Variants in NUBP2 observed in about 807,000 individuals in gnomAD.
NUBP2 encodes the protein cytosolic Fe-S cluster assembly factor NUBP2.
A neutral mutation model predicts 24.9 loss-of-function variants in NUBP2; 23 were observed. The observed-to-expected ratio is 0.92, with a 90% CI of 0.66 to 1.31. The LOEUF is 1.31. NUBP2 is among the 50% of genes most tolerant of loss of function. NUBP2 has a pLI of 0.00. For missense variants in NUBP2, 403 were observed against 386.5 expected, an observed-to-expected ratio of 1.04 and a Z score of -0.36; for synonymous variants, 186 against 170.9, an observed-to-expected ratio of 1.09 and a Z score of -0.69.
chr16:1,783,090 C>T (rs1380827756), intron 1 of NUBP2, 54 bp downstream of exon 1: 1 of 1,229,586 alleles, frequency 8.1e-7, no homozygotes, highest in African/African-American at 1.6e-5. Context: ...TGGGGCCCCG[C>T]CGCGTCCCTT....
In NUBP2 at chr16:1,786,668, C is replaced by T. The variant is rs765369327; in HGVS notation, c.135+13C>T. 1.9e-6 allele frequency: 3 copies of T among 1,612,086 alleles called. No homozygotes were observed. The highest frequency in any genetic ancestry group is 3.3e-5 in the Admixed American group (2 of 60,006). On this transcript the variant is annotated intron_variant, in intron 2 of 6. Coordinates refer to ENST00000262302, the MANE Select transcript of NUBP2 (RefSeq NM_012225.4). ...TGCAGGCAAGAAGGTGAGCGCCCTA[C>T]CCCTCACTGGGCGGAGCCCCGGGCA...
rs1897120210 is a variant in NUBP2 at position 1,788,742 on chromosome 16, G to A, written c.*28G>A. The A allele has an allele frequency of 6.3e-7, 1 of 1,594,466 alleles. No homozygotes were observed. Among genetic ancestry groups the A allele is most frequent in the Non-Finnish European group, 8.5e-7 (1 of 1,169,662 alleles). On this transcript the variant is annotated 3_prime_UTR_variant, in exon 7 of 7. Coordinates refer to ENST00000262302, the MANE Select transcript of NUBP2 (RefSeq NM_012225.4). ...AAGGCCACCTTGCAGCCGCTTTCCA[G>A]GGCCACCAAGGGCTCTGCTCCAGCC...
intron 1 of NUBP2, among the ~76,000 whole-genome samples, chr16:1,784,278 G>T (rs941610963): frequency 2.5e-4 from 38 of 151,894 alleles, no homozygotes; most frequent in Non-Finnish European, 1.0e-4. Flanking sequence ...GTAGACATGG[G>T]GTCTGAATAC....
intron 1 of NUBP2, chr16:1,785,346 G>T: frequency 8.9e-7 from 1 of 1,117,454 alleles, no homozygotes; most frequent in Non-Finnish European, 1.1e-6. Flanking sequence ...TGACACTAAG[G>T]CCTGCATTTA....
In NUBP2 at chr16:1,789,016, G is replaced by A. The variant is rs907439297; in HGVS notation, c.*302G>A. ...CAGCCGCGTGTCCACACAGTTAGCG[G>A]AGCGCGGGACTTCTGCAGTCCTCAG... On this transcript the variant is annotated 3_prime_UTR_variant, in exon 7 of 7. Transcript: ENST00000262302. The A allele has an allele frequency of 1.0e-5, 4 of 399,342 alleles. No individual in the cohort carries two copies. The highest frequency in any genetic ancestry group is 9.2e-5 in the East Asian group (2 of 21,832). The allele number at this position is 399,342 out of a possible 1,614,324, so 24.7% of individuals were successfully genotyped here. A position where few individuals can be genotyped will look rare whatever the true frequency, so the allele number is the denominator to read the frequency against.
intron 1 of NUBP2, 24 bp from the exon 2 acceptor site, chr16:1,786,513 C>T: frequency 1.3e-6 from 2 of 1,567,050 alleles, no homozygotes; most frequent in Non-Finnish European, 8.7e-7. Context: ...GAGCCCTGAC[C>T]TTCTCTGTCG....
chr16:1,789,045 A>C lies in NUBP2; in HGVS notation c.*331A>C. ...GCGGGACTTCTGCAGTCCTCAGGTGACCCCGGGCCTCCAGCACCCTGGGTC... is the reference window on the plus strand; with the variant it reads ...GCGGGACTTCTGCAGTCCTCAGGTGCCCCCGGGCCTCCAGCACCCTGGGTC... On this transcript the variant is annotated 3_prime_UTR_variant, in exon 7 of 7. Coordinates refer to ENST00000262302, the MANE Select transcript of NUBP2 (RefSeq NM_012225.4). The C allele has an allele frequency of 1.1e-5, 3 of 265,806 alleles. No homozygotes were observed. The highest frequency in any genetic ancestry group is 1.7e-4 in the South Asian group (2 of 11,786). The allele number at this position is 265,806 out of a possible 1,614,324, so 16.5% of individuals were successfully genotyped here. A position where few individuals can be genotyped will look rare whatever the true frequency, so the allele number is the denominator to read the frequency against.
chr16:1,786,474 C>T, intron 1 of NUBP2, 63 bp from the exon 2 acceptor site: 5 of 1,415,434 alleles, frequency 3.5e-6, no homozygotes, highest in Non-Finnish European at 4.9e-6. Flanking sequence ...AGTGGGTGAC[C>T]CCGCGTGTGT....
chr16:1,786,621 A>C lies in NUBP2; in HGVS notation c.101A>C (p.Glu34Ala). ...GGVGKSTIST[E>A]LALALRHAGK... Reference sequence around the variant, plus strand: ...GTTGGGAAAAGCACCATCTCCACGGAGCTGGCCCTGGCACTGCGCCATGCA... The same window carrying C: ...GTTGGGAAAAGCACCATCTCCACGGCGCTGGCCCTGGCACTGCGCCATGCA... Residue 34 changes from glutamate (E) to alanine (A), a missense_variant, in exon 2 of 7, where the codon GAG becomes GCG. Glu to Ala is a moderately radical substitution (Grantham distance 107, BLOSUM62 -1). Transcript: ENST00000262302. 1 of 1,612,822 alleles carries C rather than the reference A, an allele frequency of 6.2e-7. No homozygotes were observed. The highest frequency in any genetic ancestry group is 8.5e-7 in the Non-Finnish European group (1 of 1,179,900).
intron 1 of NUBP2, 169 bp downstream of exon 1, chr16:1,783,205 C>A (rs139530935): frequency 1.7e-6 from 2 of 1,169,986 alleles, no homozygotes; most frequent in Non-Finnish European, 2.1e-6. Flanking sequence ...TAAACAGGGT[C>A]GTTTCCCGCG....
At chr16:1,785,096 C>T (rs888397778) in intron 1 of NUBP2, 45 of 985,940 alleles carry the variant, frequency 4.6e-5, no homozygotes, top group African/African-American at 1.4e-4. Context: ...TTGTCCACCA[C>T]GTGGAATGAT....
At chr16:1,783,988 T>A (rs549204467) in intron 1 of NUBP2, 3 of 984,866 alleles carry the variant, frequency 3.0e-6, no homozygotes, top group Non-Finnish European at 3.6e-6. Context: ...CCACGGCGCC[T>A]GGCCCAGTGC....
At chr16:1,786,705 C>T (rs775786008) in intron 2 of NUBP2, 50 bp downstream of exon 2, 4 of 1,611,760 alleles carry the variant, frequency 2.5e-6, no homozygotes, top group Admixed American at 1.7e-5. Flanking sequence ...CTGCCCGCAT[C>T]CCGGTGGAGG....
chr16:1,788,666 C>T lies in NUBP2; in HGVS notation c.768C>T (p.Thr256=), dbSNP rs908513720. The T allele has an allele frequency of 5.0e-6, 8 of 1,612,490 alleles. No individual in the cohort carries two copies. The African/African-American group carries it at 6.7e-5, about 13-fold the overall frequency. ...FPGSPAFAAL[T]SIAQKILDAT... is the part of the protein sequence containing the mutation. ...GGAGCCCCGCCTTCGCTGCACTCAC[C>T]TCCATAGCCCAGAAGATTCTGGACG... The change falls in exon 7 of 7, where the codon ACC becomes ACT. Residue 256 remains threonine (T), a synonymous_variant. Transcript: ENST00000262302.
chr16:1,783,455 C>T (rs984189108), intron 1 of NUBP2: 38 of 1,001,546 alleles, frequency 3.8e-5, no homozygotes, highest in Non-Finnish European at 4.3e-5. Flanking sequence ...GCCAGAATCT[C>T]ACATGCTTTT....
rs761337867 is a variant in NUBP2, at chr16:1,788,133, C to T, written c.601-5C>T. On this transcript the variant is annotated splice_polypyrimidine_tract_variant and splice_region_variant and intron_variant, in intron 5 of 6. Coordinates refer to ENST00000262302, the MANE Select transcript of NUBP2 (RefSeq NM_012225.4). Reference sequence around the variant, plus strand: ...GGCAGTGCTGGGCTCACCACCGTCTCCTAGGAGTGCACCAGCGTCTTCTCC... The same window carrying T: ...GGCAGTGCTGGGCTCACCACCGTCTTCTAGGAGTGCACCAGCGTCTTCTCC... 2 of 1,552,758 alleles carry T rather than the reference C, an allele frequency of 1.3e-6. No individual in the cohort carries two copies. Among genetic ancestry groups the T allele is most frequent in the Non-Finnish European group, 1.7e-6 (2 of 1,154,004 alleles).
At position 1,786,100 on chromosome 16, in the gene NUBP2, T is replaced by TG. The variant is rs1368717252; in HGVS notation, c.17-434dup. 8.4e-6 allele frequency: 6 copies of TG among 717,912 alleles called. No homozygotes were observed. The African/African-American group carries it at 9.3e-5, about 11-fold the overall frequency. 44.5% of individuals were successfully genotyped at this position (717,912 alleles called of 1,614,324 possible). A position where few individuals can be genotyped will look rare whatever the true frequency, so the allele number is the denominator to read the frequency against. ...AACGCGTGGTTGTTGCCACCCACCC[T>TG]GGGCCCTCTGCTGCCTCTGCCGAGC... On this transcript the variant is annotated intron_variant, in intron 1 of 6. Transcript: ENST00000262302.
chr16:1,787,757 G>T lies in NUBP2; in HGVS notation c.415G>T (p.Asp139Tyr). 2 of 1,612,580 alleles carry T rather than the reference G, an allele frequency of 1.2e-6. No individual in the cohort carries two copies. The highest frequency in any genetic ancestry group is 1.7e-6 in the Non-Finnish European group (2 of 1,179,940). Residue 139 changes from aspartate (D) to tyrosine (Y), a missense_variant, in exon 4 of 7, where the codon GAT (aspartate) becomes TAT (tyrosine). Coordinates refer to ENST00000262302, the MANE Select transcript of NUBP2 (RefSeq NM_012225.4). ...GGTGGACACGCCCCCGGGGACCTCCGATGAGCACATGGCCACCATAGAAGC... is the reference window on the plus strand; with the variant it reads ...GGTGGACACGCCCCCGGGGACCTCCTATGAGCACATGGCCACCATAGAAGC... ...LVVDTPPGTS[D>Y]EHMATIEALR...
At chr16:1,788,520 G>T in intron 6 of NUBP2, 49 bp from the exon 7 acceptor site, 1 of 1,541,590 alleles carries the variant, frequency 6.5e-7, no homozygotes, top group Non-Finnish European at 8.7e-7. Flanking sequence ...GCCAATGGTG[G>T]GAGTGGAAGG....
Sources: gnomAD v4.1 joint callset for allele counts (sites outside exome capture counted in the v4.1 genomes callset) on GRCh38, gnomAD v4.1.1 for gene constraint, MANE v1.5 for transcripts, NCBI Gene and HGNC (gene_info 2026-07-23, HGNC 2026-07-21) for gene names.